The following DPYD variants were observed in gnomAD, a reference collection of about 807,000 sequenced individuals.
DPYD encodes dihydropyrimidine dehydrogenase [NADP(+)].
In DPYD, 109 loss-of-function variants were observed where a neutral mutation model predicts 116.2. That is an observed-to-expected ratio of 0.94 (90% CI 0.80 to 1.10). The LOEUF (loss-of-function observed/expected upper bound fraction) is 1.10, where lower values mean the gene tolerates loss of function less well. Ranked by LOEUF, DPYD falls within the 50% of genes least tolerant of loss-of-function variation. The probability of loss-of-function intolerance (pLI) is 0.00; values close to 1 mark genes in which losing one functional copy is unlikely to be tolerated. For missense variants in DPYD, 1,302 were observed against 1,254.5 expected, an observed-to-expected ratio of 1.04 and a Z score of -0.57; for synonymous variants, 440 against 432.0, an observed-to-expected ratio of 1.02 and a Z score of -0.23.
At chr1:97,608,269 A>G (rs77109505) in intron 8 of DPYD, among the ~76,000 whole-genome samples, 1,610 of 152,192 alleles carry the variant, frequency 0.011, 26 homozygotes, top group African/African-American at 0.037. Flanking sequence ...TAAAAGGGAC[A>G]TAACTTAATT....
chr1:97,427,697 A>G (rs1674950392), intron 14 of DPYD, among the ~76,000 whole-genome samples: 1 of 142,436 alleles, frequency 7.0e-6, no homozygotes, highest in Non-Finnish European at 1.5e-5. Context: ...ATGAAGCAAG[A>G]AAAAAAAAAA....
chr1:97,200,889 C>T (rs544391606), intron 19 of DPYD, among the ~76,000 whole-genome samples: 5 of 152,176 alleles, frequency 3.3e-5, no homozygotes, highest in South Asian at 2.1e-4. Flanking sequence ...TCAATATCAT[C>T]GTACAGCAGT....
intron 1 of DPYD, among the ~76,000 whole-genome samples, chr1:97,886,056 T>C (rs1003901744): frequency 6.6e-6 from 1 of 151,964 alleles, no homozygotes; most frequent in Non-Finnish European, 1.5e-5. Flanking sequence ...CTCTTTGAAG[T>C]CTCTGGAAAT....
intron 11 of DPYD, among the ~76,000 whole-genome samples, chr1:97,554,314 G>A (rs377616969): frequency 3.9e-5 from 6 of 152,102 alleles, no homozygotes; most frequent in East Asian, 1.9e-4. Context: ...TTATATTTTA[G>A]TACACAAATA....
In DPYD at chr1:97,721,512, C is replaced by T; in HGVS notation, c.481G>A (p.Glu161Lys). 1.2e-6 allele frequency: 2 copies of T among 1,611,056 alleles called. No individual in the cohort carries two copies. Among genetic ancestry groups the T allele is most frequent in the Non-Finnish European group, 1.7e-6 (2 of 1,177,948 alleles). Reference sequence around the variant, plus strand: ...TGTCACGTGTATATCATACATACCTCAGTAGCAAATTGCTGCAATCCACCA... The same window carrying T: ...TGTCACGTGTATATCATACATACCTTAGTAGCAAATTGCTGCAATCCACCA... Reference protein sequence around the residue: ...NIGGLQQFATEVFKAMSIPQI... With the variant: ...NIGGLQQFATKVFKAMSIPQI... The change falls in exon 5 of 23, where the codon GAG becomes AAG. Residue 161 changes from glutamate to lysine, a missense_variant and splice_region_variant. Physicochemically the swap from Glu to Lys is moderately conservative, Grantham distance 56. Coordinates refer to ENST00000370192, the MANE Select transcript of DPYD (RefSeq NM_000110.4).
At chr1:97,656,618 A>G (rs1658916461) in intron 8 of DPYD, among the ~76,000 whole-genome samples, 1 of 151,980 alleles carries the variant, frequency 6.6e-6, no homozygotes, top group South Asian at 2.1e-4. Flanking sequence ...GCTCCTTTCT[A>G]TTCTTTTTTT....
At chr1:97,490,633 A>T (rs1025801199) in intron 13 of DPYD, among the ~76,000 whole-genome samples, 9 of 151,244 alleles carry the variant, frequency 6.0e-5, no homozygotes, top group African/African-American at 2.2e-4. Context: ...AAATAGAAAC[A>T]CAAATTGGTA....
chr1:97,864,675 A>G (rs1022244382), intron 2 of DPYD, among the ~76,000 whole-genome samples: 1 of 151,942 alleles, frequency 6.6e-6, no homozygotes, highest in Admixed American at 6.6e-5. Flanking sequence ...AGCTGTTCTA[A>G]GAAGAAAAAT....
chr1:97,658,772 C>T (rs896044589), intron 8 of DPYD, among the ~76,000 whole-genome samples: 14 of 152,040 alleles, frequency 9.2e-5, no homozygotes, highest in Admixed American at 2.0e-4. Context: ...AGAATAAATG[C>T]CCAACTTTTC....
chr1:97,713,963 C>A (rs1316356380), intron 5 of DPYD, among the ~76,000 whole-genome samples: 2 of 151,924 alleles, frequency 1.3e-5, no homozygotes, highest in African/African-American at 4.8e-5. Context: ...AAATGACCTG[C>A]AAAAAGTTAT....
intron 8 of DPYD, among the ~76,000 whole-genome samples, chr1:97,637,757 T>C (rs1458448586): frequency 6.6e-6 from 1 of 152,160 alleles, no homozygotes; most frequent in Non-Finnish European, 1.5e-5. Flanking sequence ...TTCTAATTAA[T>C]ATTTTTATTA....
At chr1:97,728,714 A>G (rs1663407991) in intron 4 of DPYD, among the ~76,000 whole-genome samples, 1 of 152,076 alleles carries the variant, frequency 6.6e-6, no homozygotes, top group Non-Finnish European at 1.5e-5. Context: ...AATTAACATT[A>G]CTTTTATTTC....
chr1:97,649,646 T>C (rs913838401), intron 8 of DPYD, among the ~76,000 whole-genome samples: 6 of 152,240 alleles, frequency 3.9e-5, no homozygotes, highest in African/African-American at 1.4e-4. Context: ...ACATAAAATC[T>C]TACTGGAACT....
At chr1:97,172,868 T>G (rs1656831684) in intron 20 of DPYD, among the ~76,000 whole-genome samples, 1 of 152,192 alleles carries the variant, frequency 6.6e-6, no homozygotes, top group South Asian at 2.1e-4. Flanking sequence ...ATGGAATTAA[T>G]GAGGACATTT....
intron 8 of DPYD, among the ~76,000 whole-genome samples, chr1:97,600,944 CA>C (rs1215079890): frequency 6.6e-6 from 1 of 152,088 alleles, no homozygotes; most frequent in African/African-American, 2.4e-5. Flanking sequence ...TAACTTCATT[CA>C]TTCTATAGAC....
intron 16 of DPYD, among the ~76,000 whole-genome samples, chr1:97,328,321 T>C (rs1570534549): frequency 6.6e-6 from 1 of 152,166 alleles, no homozygotes; most frequent in Non-Finnish European, 1.5e-5. Context: ...TATTTCTAAA[T>C]AATTAAGAAA....
intron 8 of DPYD, among the ~76,000 whole-genome samples, chr1:97,638,950 C>A (rs1389668132): frequency 6.6e-6 from 1 of 152,072 alleles, no homozygotes; most frequent in Non-Finnish European, 1.5e-5. Context: ...GGATAAACAT[C>A]CAAACCATAT....
At chr1:97,884,134 T>C (rs1463235098) in intron 1 of DPYD, among the ~76,000 whole-genome samples, 1 of 152,036 alleles carries the variant, frequency 6.6e-6, no homozygotes, top group Non-Finnish European at 1.5e-5. Flanking sequence ...CTTACATTAA[T>C]AGACTAATAT....
At chr1:97,810,676 T>C (rs1231977092) in intron 3 of DPYD, among the ~76,000 whole-genome samples, 1 of 152,160 alleles carries the variant, frequency 6.6e-6, no homozygotes, top group Non-Finnish European at 1.5e-5. Flanking sequence ...AAAACCAGTA[T>C]GACAGGCTCC....
Sources: allele counts gnomAD v4.1 joint callset (sites outside exome capture counted in the v4.1 genomes callset), GRCh38; gene constraint gnomAD v4.1.1; transcripts MANE v1.5; gene names NCBI Gene and HGNC (gene_info 2026-07-23, HGNC 2026-07-21).